The following CCDC171 variants were observed in gnomAD, a reference collection of about 807,000 sequenced individuals.
CCDC171 encodes coiled-coil domain-containing protein 171.
A neutral mutation model predicts 168.2 loss-of-function variants in CCDC171; 177 were observed. The ratio of observed to expected loss-of-function variants is 1.05; its 90% CI spans 0.93 to 1.19. The LOEUF is 1.19. Among genes scored for constraint, CCDC171 ranks in the 50% most tolerant of loss-of-function variants. The pLI, the probability that CCDC171 is intolerant of heterozygous loss-of-function variation, is 0.00. For missense variants in CCDC171, 1,991 were observed against 1,539.0 expected (o/e 1.29, Z -4.91); for synonymous variants, 687 against 540.8 (o/e 1.27, Z -3.75).
chr9:16,089,965 G>A, the CCDC171 span, among the ~76,000 whole-genome samples: 1 of 152,162 alleles, frequency 6.6e-6, no homozygotes, highest in African/African-American at 2.4e-5. Context: ...CTTTGACACT[G>A]TTGATGGGTG....
At chr9:15,602,844 G>C (rs975293209) in intron 6 of CCDC171, among the ~76,000 whole-genome samples, 1 of 151,802 alleles carries the variant, frequency 6.6e-6, no homozygotes, top group Admixed American at 6.6e-5. Flanking sequence ...TTTTAGTAGA[G>C]ACGGAGTTTT....
intron 21 of CCDC171, among the ~76,000 whole-genome samples, chr9:15,789,602 A>T (rs2058143944): frequency 6.6e-6 from 1 of 152,084 alleles, no homozygotes; most frequent in Non-Finnish European, 1.5e-5. Context: ...TAGATATATT[A>T]ATCTTTTTTT....
Position 15,745,562 on chromosome 9 carries a change from A to G in CCDC171, c.2602A>G (p.Thr868Ala). 6.3e-7 allele frequency: 1 copy of G among 1,590,246 alleles called. No homozygotes were observed. The highest frequency in any genetic ancestry group is 1.7e-4 in the Middle Eastern group (1 of 6,004). The change falls in exon 18 of 26, where the codon ACC (threonine) becomes GCC (alanine). Residue 868 changes from threonine to alanine, a missense_variant. By Grantham distance (58) the Thr-to-Ala change is moderately conservative. Coordinates refer to ENST00000380701, the MANE Select transcript of CCDC171 (RefSeq NM_173550.4). ...TTGTTTACAAGCGCTCAGTTGGCTC[A>G]CCAGTTCTGACCTTCTTGCTGCAAT... ...LRCLQALSWL[T>A]SSDLLAAIIS...
intron 3 of CCDC171, among the ~76,000 whole-genome samples, chr9:15,999,053 AT>A (rs200930294): frequency 3.4e-3 from 509 of 151,054 alleles, no homozygotes; most frequent in African/African-American, 0.012. Flanking sequence ...GGCAGCATAC[AT>A]TTTTTTTTAA....
At chr9:15,649,958 A>T (rs950763491) in intron 7 of CCDC171, among the ~76,000 whole-genome samples, 1 of 152,178 alleles carries the variant, frequency 6.6e-6, no homozygotes, top group Non-Finnish European at 1.5e-5. Context: ...ACGTATGTTT[A>T]TTGCGGCACT....
intron 3 of CCDC171, among the ~76,000 whole-genome samples, chr9:15,984,466 GTATA>G (rs371312704): frequency 2.4e-5 from 1 of 41,986 alleles, no homozygotes; most frequent in Non-Finnish European, 4.5e-5. Flanking sequence ...TTATATGTAT[GTATA>G]TACATATATA....
chr9:15,777,515 A>AAAAAATTTTTTTT, intron 18 of CCDC171, 85 bp from the exon 19 acceptor site: 1 of 709,594 alleles, frequency 1.4e-6, no homozygotes, highest in East Asian at 2.7e-5. Context: ...TAATTAAAAA[A>AAAAAATTTTTTTT]TATTTTCATT....
intron 25 of CCDC171, among the ~76,000 whole-genome samples, chr9:15,922,579 T>TTGCTGGG (rs1416762502): frequency 2.0e-5 from 3 of 151,638 alleles, no homozygotes; most frequent in Non-Finnish European, 3.0e-5. Context: ...TTCCTTTGGA[T>TTGCTGGG]ATATACCCAG....
chr9:15,687,307 A>AG (rs535468838), intron 10 of CCDC171, among the ~76,000 whole-genome samples: 403 of 152,268 alleles, frequency 2.6e-3, no homozygotes, highest in South Asian at 0.019. Flanking sequence ...TTCAAAAAAA[A>AG]TACTGGGGCA....
At chr9:15,730,224 C>T (rs1312203128) in intron 16 of CCDC171, among the ~76,000 whole-genome samples, 1 of 149,260 alleles carries the variant, frequency 6.7e-6, no homozygotes, top group African/African-American at 2.6e-5. Flanking sequence ...GTTAAAATCT[C>T]CTATGCCTGC....
chr9:15,798,795 G>A (rs1282749532), intron 21 of CCDC171, among the ~76,000 whole-genome samples: 2 of 152,040 alleles, frequency 1.3e-5, no homozygotes, highest in Non-Finnish European at 2.9e-5. Context: ...GTTTTTACAG[G>A]TATTGAATAT....
At chr9:15,957,436 C>T (rs1829910051) in intron 25 of CCDC171, among the ~76,000 whole-genome samples, 1 of 152,174 alleles carries the variant, frequency 6.6e-6, no homozygotes. Context: ...CTTTCTCCCT[C>T]ATTGAATCCA....
chr9:15,637,822 G>C (rs554078543), intron 7 of CCDC171, among the ~76,000 whole-genome samples: 51 of 152,060 alleles, frequency 3.4e-4, no homozygotes, highest in East Asian at 9.7e-4. Flanking sequence ...TGGCTGCATA[G>C]TATTCCATGG....
At chr9:15,609,594 C>T (rs1275568503) in intron 6 of CCDC171, among the ~76,000 whole-genome samples, 2 of 152,100 alleles carry the variant, frequency 1.3e-5, no homozygotes, top group Admixed American at 6.5e-5. Flanking sequence ...GTTCTTTTAC[C>T]GCATATTGAT....
At position 15,956,500 on chromosome 9, in the gene CCDC171, G is replaced by A. The variant is rs115029454; in HGVS notation, c.3754-15109G>A. 6.7e-3 allele frequency among the ~76,000 whole-genome samples: 1,025 copies of A among 152,182 alleles called. 13 individuals are homozygous for A. Among genetic ancestry groups the A allele is most frequent in the African/African-American group, 0.023 (953 of 41,522 alleles). On this transcript the variant is annotated intron_variant, in intron 25 of 25. Coordinates refer to ENST00000380701, the MANE Select transcript of CCDC171 (RefSeq NM_173550.4). ...GCTTTACAAATGTAGGTTTCCGAAG[G>A]CAGCGTAGTTTATATTACTTTTCCT...
At chr9:15,772,575 A>G (rs2057071352) in intron 18 of CCDC171, among the ~76,000 whole-genome samples, 1 of 152,224 alleles carries the variant, frequency 6.6e-6, no homozygotes, top group Admixed American at 6.5e-5. Flanking sequence ...GGAGTTGCAT[A>G]TAAAGAAAGT....
At chr9:15,564,155 T>C (rs1244623725) in intron 2 of CCDC171, 26 bp downstream of exon 2, 1 of 1,570,478 alleles carries the variant, frequency 6.4e-7, no homozygotes, top group South Asian at 1.1e-5. Flanking sequence ...CTTCTTTTAG[T>C]TGATGAACGT....
chr9:15,667,570 C>T (rs1246039937), intron 9 of CCDC171, among the ~76,000 whole-genome samples: 14 of 152,086 alleles, frequency 9.2e-5, no homozygotes, highest in African/African-American at 1.7e-4. Context: ...CACCTGAACC[C>T]GGGAGGCAGA....
chr9:15,648,118 A>G (rs576914780), intron 7 of CCDC171, among the ~76,000 whole-genome samples: 2 of 152,362 alleles, frequency 1.3e-5, no homozygotes, highest in Non-Finnish European at 2.9e-5. Context: ...AACGTAATCC[A>G]TCACATAAAC....
Sources: gnomAD v4.1 joint callset for allele counts (sites outside exome capture counted in the v4.1 genomes callset) on GRCh38, gnomAD v4.1.1 for gene constraint, MANE v1.5 for transcripts, NCBI Gene and HGNC (gene_info 2026-07-23, HGNC 2026-07-21) for gene names.